DNAH17: variants seen among roughly 807,000 people sequenced by gnomAD.
The protein encoded by DNAH17 is axonemal beta dynein heavy chain 17.
Under a neutral mutation model 485.6 loss-of-function variants are expected in DNAH17, and 376 were observed. The observed-to-expected ratio is 0.77, with a 90% CI of 0.71 to 0.84. The LOEUF is 0.84. Among genes scored for constraint, DNAH17 ranks in the 40% least tolerant of loss-of-function variants. The pLI, the probability that DNAH17 is intolerant of heterozygous loss-of-function variation, is 0.00. For synonymous variants in DNAH17, 3,031 were observed against 2,405.9 expected (o/e 1.26, Z -7.60); for missense variants, 6,370 against 5,839.3 (o/e 1.09, Z -2.96).
Position 78,543,935 on chromosome 17 carries a change from C to T in DNAH17, c.2454G>A (p.Leu818=), listed in dbSNP as rs759382356. The change falls in exon 17 of 81, where the codon TTG becomes TTA. Residue 818 remains leucine (L), a synonymous_variant. Transcript: ENST00000389840. ...KDNKKEALLD[L]DGRIANLNKR... ...TGTTGAGGTTGGCAATTCTTCCATCCAAGTCTAACAGGGCCTCTTTCTTAT... is the reference window on the plus strand; with the variant it reads ...TGTTGAGGTTGGCAATTCTTCCATCTAAGTCTAACAGGGCCTCTTTCTTAT... The T allele has an allele frequency of 3.7e-6, 6 of 1,614,040 alleles. No individual in the cohort carries two copies. The South Asian group carries it at 4.4e-5, about 12-fold the overall frequency.
At chr17:78,497,873 C>T (rs1264255150) in intron 37 of DNAH17, among the ~76,000 whole-genome samples, 3 of 152,094 alleles carry the variant, frequency 2.0e-5, no homozygotes, top group East Asian at 1.9e-4. Context: ...CCGGGCACAA[C>T]GGCTCACGCC....
intron 41 of DNAH17, chr17:78,493,035 GA>G (rs2089930906): frequency 7.1e-6 from 2 of 283,440 alleles, no homozygotes; most frequent in African/African-American, 2.2e-5. Context: ...ACTTTTAGTA[GA>G]GACAGGGTTT....
chr17:78,552,079 G>A (rs2091914670), intron 15 of DNAH17, among the ~76,000 whole-genome samples: 1 of 152,166 alleles, frequency 6.6e-6, no homozygotes. Context: ...ATTCCCAGAA[G>A]AAATCGCTGG....
At chr17:78,432,283 C>G (rs1279168672) in intron 75 of DNAH17, among the ~76,000 whole-genome samples, 1 of 152,166 alleles carries the variant, frequency 6.6e-6, no homozygotes, top group African/African-American at 2.4e-5. Context: ...GGCCGTCTCT[C>G]CGTGCTGAAA....
rs56246296 is a variant in DNAH17, at chr17:78,424,356, T to A, written c.13142-203A>T. 87,607 of 578,068 alleles carry A rather than the reference T, an allele frequency of 0.15. 7,400 individuals are homozygous for A. Among genetic ancestry groups the A allele is most frequent in the Middle Eastern group, 0.21 (439 of 2,094 alleles). The allele number at this position is 578,068 out of a possible 1,614,324, so 35.8% of individuals were successfully genotyped here. Reference sequence around the variant, plus strand: ...TTGTAACTACCCCGTCCCGCTGGGCTCAAGGAACAGCTCAGCTAAAGCCCT... The same window carrying A: ...TTGTAACTACCCCGTCCCGCTGGGCACAAGGAACAGCTCAGCTAAAGCCCT... On this transcript the variant is annotated intron_variant, in intron 80 of 80. Transcript: ENST00000389840.
At chr17:78,557,967 T>C (rs772041133) in intron 14 of DNAH17, 141 bp downstream of exon 14, 43 of 1,034,342 alleles carry the variant, frequency 4.2e-5, no homozygotes, top group Non-Finnish European at 5.4e-5. Flanking sequence ...TCAGTAAGTA[T>C]GCAGTGAATG....
At chr17:78,475,495 A>G in intron 53 of DNAH17, 26 bp from the exon 54 acceptor site, 1 of 1,612,234 alleles carries the variant, frequency 6.2e-7, no homozygotes, top group Non-Finnish European at 8.5e-7. Context: ...AGATCCCACA[A>G]CATCTTGTAG....
intron 58 of DNAH17, 77 bp from the exon 59 acceptor site, chr17:78,460,334 G>GCATGTGTGTC (rs1465058767): frequency 6.9e-6 from 6 of 869,004 alleles, no homozygotes; most frequent in Non-Finnish European, 1.1e-5. Context: ...GCATGTGTGT[G>GCATGTGTGTC]CATGTGTGTG....
Position 78,510,379 on chromosome 17 carries a change from C to T in DNAH17, c.4236+5G>A, listed in dbSNP as rs555354253. On this transcript the variant is annotated splice_donor_5th_base_variant and intron_variant, in intron 27 of 80. Coordinates refer to ENST00000389840, the MANE Select transcript of DNAH17 (RefSeq NM_173628.4). ...TGCACAGACAGCACCGCCAGCACGGCCTACCTTTTCCATGCCCGACTCCTT... is the reference window on the plus strand; with the variant it reads ...TGCACAGACAGCACCGCCAGCACGGTCTACCTTTTCCATGCCCGACTCCTT... 40 of 1,611,928 alleles carry T rather than the reference C, an allele frequency of 2.5e-5. No individual in the cohort carries two copies. In the East Asian group the frequency reaches 8.9e-4, roughly 36 times the overall value.
Position 78,526,639 on chromosome 17 carries a change from G to C in DNAH17, c.3711+12C>G. 6.3e-7 allele frequency: 1 copy of C among 1,589,430 alleles called. No individual in the cohort carries two copies. The highest frequency in any genetic ancestry group is 8.6e-7 in the Non-Finnish European group (1 of 1,164,784). ...AGACTTACCCCCTGATCTCACCCTT[G>C]AGCAAAAATACCTTATTCAGGGACT... On this transcript the variant is annotated intron_variant, in intron 24 of 80. Coordinates refer to ENST00000389840, the MANE Select transcript of DNAH17 (RefSeq NM_173628.4).
At chr17:78,546,871 C>T (rs1300977181) in intron 16 of DNAH17, among the ~76,000 whole-genome samples, 2 of 151,830 alleles carry the variant, frequency 1.3e-5, no homozygotes, top group Non-Finnish European at 2.9e-5. Flanking sequence ...TGCCATTGTA[C>T]TCCAGCCTGG....
chr17:78,566,456 A>C (rs2092267384), intron 11 of DNAH17, among the ~76,000 whole-genome samples, 158 bp downstream of exon 11: 1 of 152,164 alleles, frequency 6.6e-6, no homozygotes, highest in Non-Finnish European at 1.5e-5. Context: ...CTGGGTGTTC[A>C]CGGCTGACTG....
At chr17:78,435,485 C>T (rs2146440618) in intron 74 of DNAH17, among the ~76,000 whole-genome samples, 1 of 152,314 alleles carries the variant, frequency 6.6e-6, no homozygotes, top group African/African-American at 2.4e-5. Flanking sequence ...TACCCACCTC[C>T]CCAACCAGAG....
intron 63 of DNAH17, 105 bp from the exon 64 acceptor site, chr17:78,454,810 G>C (rs2087719582): frequency 2.1e-6 from 2 of 953,088 alleles, no homozygotes; most frequent in African/African-American, 1.6e-5. Context: ...GTTAGGGGTG[G>C]ACCAGCAGGA....
intron 14 of DNAH17, 108 bp downstream of exon 14, chr17:78,558,000 G>T: frequency 7.6e-7 from 1 of 1,324,234 alleles, no homozygotes; most frequent in Non-Finnish European, 1.0e-6. Context: ...TGAGTGAATG[G>T]GAAGATTTCC....
At chr17:78,526,551 C>A in intron 24 of DNAH17, 100 bp downstream of exon 24, 1 of 1,045,544 alleles carries the variant, frequency 9.6e-7, no homozygotes, top group Admixed American at 2.7e-5. Context: ...GTCAGTCCGG[C>A]GGAGACCACG....
Position 78,468,643 on chromosome 17 carries a change from TGAA to T in DNAH17, c.8749_8751del (p.Phe2917del), listed in dbSNP as rs1349340284. ...TTGAGCTGTCTGCGCACTTTTTCGATGAAGAACTTCCAACATGTTTCCCGAGTG... is the reference window on the plus strand; with the variant it reads ...TTGAGCTGTCTGCGCACTTTTTCGATGAACTTCCAACATGTTTCCCGAGTG... On this transcript the variant is annotated inframe_deletion, in exon 55 of 81. Coordinates refer to ENST00000389840, the MANE Select transcript of DNAH17 (RefSeq NM_173628.4). 1 of 1,613,708 alleles carries T rather than the reference TGAA, an allele frequency of 6.2e-7. No homozygotes were observed. Among genetic ancestry groups the T allele is most frequent in the Non-Finnish European group, 8.5e-7 (1 of 1,179,798 alleles).
At chr17:78,434,336 T>G (rs2086791212) in intron 74 of DNAH17, 116 bp from the exon 75 acceptor site, 18 of 910,342 alleles carry the variant, frequency 2.0e-5, no homozygotes, top group Middle Eastern at 2.6e-4. Flanking sequence ...GTGGGGGCGG[T>G]GGGGGGTACA....
intron 26 of DNAH17, among the ~76,000 whole-genome samples, chr17:78,513,952 G>T (rs1012141398): frequency 5.9e-5 from 9 of 152,124 alleles, no homozygotes; most frequent in African/African-American, 1.9e-4. Flanking sequence ...AAGTCATTTT[G>T]TTCAGTGTTG....
Sources: allele counts gnomAD v4.1 joint callset (sites outside exome capture counted in the v4.1 genomes callset), GRCh38; gene constraint gnomAD v4.1.1; transcripts MANE v1.5; gene names NCBI Gene and HGNC (gene_info 2026-07-23, HGNC 2026-07-21).